CSMD3: variants seen among roughly 807,000 people sequenced by gnomAD.
CSMD3 encodes the protein CUB and Sushi multiple domains 3, also known as CUB and sushi domain-containing protein 3.
In CSMD3, 177 loss-of-function variants were observed where a neutral mutation model predicts 435.2. The observed-to-expected ratio is 0.41, with a 90% CI of 0.36 to 0.46. The LOEUF is 0.46. Ranked by LOEUF, CSMD3 falls within the 20% of genes least tolerant of loss-of-function variation. The pLI, the probability that CSMD3 is intolerant of heterozygous loss-of-function variation, is 0.34. For synonymous variants in CSMD3, 1,656 were observed against 1,520.5 expected (o/e 1.09, Z -2.07); for missense variants, 4,265 against 4,504.6 (o/e 0.95, Z 1.52).
At chr8:112,930,070 G>T (rs1291716823) in intron 9 of CSMD3, among the ~76,000 whole-genome samples, 1 of 152,014 alleles carries the variant, frequency 6.6e-6, no homozygotes, top group Non-Finnish European at 1.5e-5. Context: ...GCTAATAAAT[G>T]AAATAATTTA....
chr8:113,110,193 C>T (rs566960418), intron 4 of CSMD3, among the ~76,000 whole-genome samples: 1 of 152,180 alleles, frequency 6.6e-6, no homozygotes, highest in East Asian at 1.9e-4. Flanking sequence ...CACACCCTTC[C>T]TGTTCTCTCC....
chr8:112,686,163 G>T (rs1435124737), intron 14 of CSMD3, among the ~76,000 whole-genome samples: 1 of 152,144 alleles, frequency 6.6e-6, no homozygotes, highest in African/African-American at 2.4e-5. Flanking sequence ...CAAGGGGATG[G>T]TTATCAATGT....
At chr8:112,693,530 G>T (rs147701694) in intron 13 of CSMD3, among the ~76,000 whole-genome samples, 291 of 151,992 alleles carry the variant, frequency 1.9e-3, no homozygotes, top group African/African-American at 6.2e-3. Flanking sequence ...ATATCAAATT[G>T]ATTTTAATTC....
At chr8:113,201,775 T>G (rs958216647) in intron 3 of CSMD3, among the ~76,000 whole-genome samples, 1 of 152,096 alleles carries the variant, frequency 6.6e-6, no homozygotes, top group African/African-American at 2.4e-5. Flanking sequence ...ATTTATCCCA[T>G]GTAAATCAGA....
At chr8:112,664,997 A>C (rs1393722117) in intron 17 of CSMD3, among the ~76,000 whole-genome samples, 3 of 152,180 alleles carry the variant, frequency 2.0e-5, no homozygotes, top group Non-Finnish European at 4.4e-5. Flanking sequence ...TGTTAAATTA[A>C]GTTTAGCTTA....
At chr8:112,789,193 TGCA>T (rs1178494985) in intron 13 of CSMD3, among the ~76,000 whole-genome samples, 8 of 152,138 alleles carry the variant, frequency 5.3e-5, no homozygotes, top group Non-Finnish European at 5.9e-5. Flanking sequence ...ATCAAATTTG[TGCA>T]GCAAGTTCTG....
At chr8:112,368,094 A>G (rs993839299) in intron 38 of CSMD3, among the ~76,000 whole-genome samples, 1 of 152,148 alleles carries the variant, frequency 6.6e-6, no homozygotes. Flanking sequence ...CTGACTCCAG[A>G]GTAAATGCTC....
At chr8:112,780,569 G>C (rs564917247) in intron 13 of CSMD3, among the ~76,000 whole-genome samples, 1 of 152,020 alleles carries the variant, frequency 6.6e-6, no homozygotes, top group Admixed American at 6.6e-5. Flanking sequence ...GACACTGAAG[G>C]GGGAAGTAAA....
At chr8:113,263,869 A>G (rs569499833) in intron 3 of CSMD3, among the ~76,000 whole-genome samples, 6 of 151,982 alleles carry the variant, frequency 3.9e-5, no homozygotes, top group African/African-American at 1.2e-4. Context: ...TATTTCAAGT[A>G]CTGAGAAAAT....
intron 30 of CSMD3, among the ~76,000 whole-genome samples, chr8:112,497,671 CCATT>C (rs1821497724): frequency 6.6e-6 from 1 of 151,702 alleles, no homozygotes; most frequent in Admixed American, 6.6e-5. Context: ...ATTTATATGT[CCATT>C]CATTTGGGTG....
Position 113,170,955 on chromosome 8 carries a change from G to A in CSMD3, c.709+2767C>T, listed in dbSNP as rs575964560. 1.6e-3 allele frequency among the ~76,000 whole-genome samples: 246 copies of A among 151,324 alleles called. 1 individual carries two copies. The highest frequency in any genetic ancestry group is 5.7e-3 in the African/African-American group (237 of 41,264). On this transcript the variant is annotated intron_variant, in intron 4 of 70. Transcript: ENST00000297405. Reference sequence around the variant, plus strand: ...CTGGGACCTGGGAGTGAAGAGTAGGGAAGTAAATACTCTGGTAGCAGAGTT... The same window carrying A: ...CTGGGACCTGGGAGTGAAGAGTAGGAAAGTAAATACTCTGGTAGCAGAGTT...
At chr8:113,257,594 A>C (rs570313772) in intron 3 of CSMD3, among the ~76,000 whole-genome samples, 2 of 152,250 alleles carry the variant, frequency 1.3e-5, no homozygotes, top group South Asian at 2.1e-4. Context: ...TATCCTTTAT[A>C]GGAAAGGAGA....
intron 12 of CSMD3, among the ~76,000 whole-genome samples, chr8:112,807,746 G>A (rs2079126902): frequency 6.6e-6 from 1 of 152,156 alleles, no homozygotes; most frequent in Admixed American, 6.6e-5. Flanking sequence ...TTTGCTGACA[G>A]AGCTGCAAAA....
intron 25 of CSMD3, among the ~76,000 whole-genome samples, chr8:112,554,184 G>A (rs1485914850): frequency 1.3e-5 from 2 of 151,906 alleles, no homozygotes; most frequent in East Asian, 1.9e-4. Flanking sequence ...GATGGATAAG[G>A]AAGACAGAGA....
chr8:113,318,584 A>C lies in CSMD3; in HGVS notation c.179-3791T>G, dbSNP rs535217624. ...CAGCTCCCCACTTTCTCTTCCCCTT[A>C]CTCCTGCTCACCCATGGAAATCACT... On this transcript the variant is annotated intron_variant, in intron 1 of 70. Transcript: ENST00000297405. 1.8e-4 allele frequency among the ~76,000 whole-genome samples: 27 copies of C among 151,424 alleles called. No homozygotes were observed. The South Asian group carries it at 5.6e-3, about 32-fold the overall frequency.
intron 62 of CSMD3, among the ~76,000 whole-genome samples, chr8:112,254,708 A>AATAACAGTT (rs1269916304): frequency 6.6e-6 from 1 of 152,072 alleles, no homozygotes; most frequent in African/African-American, 2.4e-5. Flanking sequence ...TCTTTGAAGA[A>AATAACAGTT]ATAACAGTTT....
chr8:113,006,929 A>G (rs534144564), intron 6 of CSMD3, among the ~76,000 whole-genome samples: 1 of 152,048 alleles, frequency 6.6e-6, no homozygotes, highest in Admixed American at 6.6e-5. Flanking sequence ...AAATGTCAGG[A>G]CCAGAGAACA....
At chr8:112,901,089 T>C (rs1210939479) in intron 10 of CSMD3, among the ~76,000 whole-genome samples, 1 of 151,336 alleles carries the variant, frequency 6.6e-6, no homozygotes, top group East Asian at 2.0e-4. Flanking sequence ...AGGTTATGTA[T>C]ACTAAGAATA....
intron 1 of CSMD3, among the ~76,000 whole-genome samples, chr8:113,371,350 T>C (rs2094345121): frequency 6.6e-6 from 1 of 152,100 alleles, no homozygotes; most frequent in Non-Finnish European, 1.5e-5. Context: ...TAATTTTTGG[T>C]CATATATATT....
Sources: gnomAD v4.1 joint callset for allele counts (sites outside exome capture counted in the v4.1 genomes callset) on GRCh38, gnomAD v4.1.1 for gene constraint, MANE v1.5 for transcripts, NCBI Gene and HGNC (gene_info 2026-07-23, HGNC 2026-07-21) for gene names.